KPNA7: variants seen among roughly 807,000 people sequenced by gnomAD.
The protein encoded by KPNA7 is importin subunit alpha-8.
In KPNA7, 54 loss-of-function variants were observed where a neutral mutation model predicts 53.7. The observed-to-expected ratio is 1.01, with a 90% CI of 0.81 to 1.26. The LOEUF (loss-of-function observed/expected upper bound fraction) is 1.26. KPNA7 is among the 50% of genes most tolerant of loss of function. The pLI is 0.00. For synonymous variants in KPNA7, 276 were observed against 259.3 expected, an observed-to-expected ratio of 1.06 and a Z score of -0.62; for missense variants, 640 against 644.5, an observed-to-expected ratio of 0.99 and a Z score of 0.07.
the KPNA7 span, among the ~76,000 whole-genome samples, chr7:99,148,935 G>A: frequency 1.5e-5 from 2 of 129,944 alleles, no homozygotes; most frequent in East Asian, 2.4e-4. Context: ...TTGCAGTGTC[G>A]CCCAGGCTGG....
At chr7:99,160,717 A>G in the KPNA7 span, among the ~76,000 whole-genome samples, 1 of 152,104 alleles carries the variant, frequency 6.6e-6, no homozygotes, top group Non-Finnish European at 1.5e-5. Context: ...GTCTTTTCAA[A>G]TGAGAACAAA....
the KPNA7 span, among the ~76,000 whole-genome samples, chr7:99,163,956 T>C: frequency 1.3e-5 from 2 of 152,010 alleles, no homozygotes; most frequent in African/African-American, 4.8e-5. Context: ...TCACACCAGT[T>C]AGAATGGTGA....
At chr7:99,193,236 CACGT>C (rs1446292620) in intron 5 of KPNA7, 135 bp from the exon 6 acceptor site, 1 of 523,960 alleles carries the variant, frequency 1.9e-6, no homozygotes, top group Non-Finnish European at 3.3e-6. Flanking sequence ...GTAGTAGAGC[CACGT>C]ACTAAATTCT....
chr7:99,207,743 C>T (rs1042332227), intron 1 of KPNA7, among the ~76,000 whole-genome samples: 4 of 145,154 alleles, frequency 2.8e-5, no homozygotes, highest in Non-Finnish European at 6.0e-5. Context: ...TCAAGTGGTT[C>T]TCCTGCCTCA....
chr7:99,171,152 G>A (rs1030875583), downstream of KPNA7, among the ~76,000 whole-genome samples: 1 of 152,168 alleles, frequency 6.6e-6, no homozygotes, highest in East Asian at 1.9e-4. Context: ...CCCGGGAGGT[G>A]GAGGTTGCAG....
At chr7:99,157,583 T>C in the KPNA7 span, among the ~76,000 whole-genome samples, 2 of 152,228 alleles carry the variant, frequency 1.3e-5, no homozygotes, top group Admixed American at 1.3e-4. Context: ...ACAACTCATT[T>C]AGATTTCTTC....
chr7:99,190,689 T>C (rs1789903178), intron 6 of KPNA7, among the ~76,000 whole-genome samples: 1 of 148,140 alleles, frequency 6.8e-6, no homozygotes, highest in African/African-American at 2.5e-5. Context: ...AGGGTCTCAC[T>C]CCATCACCCA....
chr7:99,175,777 G>A (rs946961131), intron 10 of KPNA7, among the ~76,000 whole-genome samples: 7 of 151,960 alleles, frequency 4.6e-5, no homozygotes, highest in African/African-American at 1.5e-4. Flanking sequence ...CTCCCAAAGT[G>A]CTGAGATTAC....
intron 10 of KPNA7, among the ~76,000 whole-genome samples, chr7:99,177,703 T>C (rs1456845685): frequency 6.6e-6 from 1 of 151,298 alleles, no homozygotes; most frequent in Non-Finnish European, 1.5e-5. Flanking sequence ...CCCAAGGAAT[T>C]AGAATAGCTT....
chr7:99,187,820 A>T (rs150191458), intron 7 of KPNA7, among the ~76,000 whole-genome samples: 14,237 of 90,474 alleles, frequency 0.16, 1,293 homozygotes, highest in African/African-American at 0.29. Context: ...AAAAAAAAAA[A>T]AAAAAAAAAA....
At chr7:99,164,632 T>TA in the KPNA7 span, among the ~76,000 whole-genome samples, 5 of 151,460 alleles carry the variant, frequency 3.3e-5, no homozygotes, top group African/African-American at 4.9e-5. Flanking sequence ...TTAAAGAATT[T>TA]AAAAAAAAAA....
chr7:99,145,829 CAG>C, the KPNA7 span, among the ~76,000 whole-genome samples: 6 of 152,158 alleles, frequency 3.9e-5, no homozygotes, highest in African/African-American at 1.4e-4. Flanking sequence ...CTAGTGAAAG[CAG>C]AGTCTCTCCT....
In KPNA7 at chr7:99,177,904, C is replaced by T; in HGVS notation, c.1464+16G>A. The T allele has an allele frequency of 6.4e-7, 1 of 1,551,666 alleles. No individual in the cohort carries two copies. Among genetic ancestry groups the T allele is most frequent in the South Asian group, 1.2e-5 (1 of 83,924 alleles). ...CAAGACCCCTGGATACTCCTCCACG[C>T]TCCTAAGTCACTTACCTCACCAAAG... is the stretch of plus-strand genomic sequence containing the variant. On this transcript the variant is annotated intron_variant, in intron 10 of 10. Transcript: ENST00000327442.
chr7:99,188,540 C>A lies in KPNA7; in HGVS notation c.660G>T (p.Thr220=). Residue 220 remains threonine (T), a synonymous_variant, in exon 7 of 11, where the codon ACG becomes ACT. Transcript: ENST00000327442. ...TTCGGCACAGATTCGACAAGGTCCACGTGATGTTCCGCAGAAATGTGATCT... is the reference window on the plus strand; with the variant it reads ...TTCGGCACAGATTCGACAAGGTCCAAGTGATGTTCCGCAGAAATGTGATCT... ...TLPITFLRNI[T]WTLSNLCRNK... The A allele has an allele frequency of 6.4e-7, 1 of 1,551,514 alleles. No homozygotes were observed. The highest frequency in any genetic ancestry group is 8.7e-7 in the Non-Finnish European group (1 of 1,146,856).
At chr7:99,147,802 A>C in the KPNA7 span, among the ~76,000 whole-genome samples, 3 of 148,342 alleles carry the variant, frequency 2.0e-5, no homozygotes, top group Non-Finnish European at 4.5e-5. Context: ...AAAAAAAAAA[A>C]TTTTTTTTTT....
chr7:99,212,370 C>T (rs12705050), upstream of KPNA7, among the ~76,000 whole-genome samples: 3 of 150,560 alleles, frequency 2.0e-5, no homozygotes, highest in Non-Finnish European at 3.0e-5. Flanking sequence ...CAGCCTCCCA[C>T]GTAGCTGGGA....
intron 9 of KPNA7, among the ~76,000 whole-genome samples, chr7:99,178,711 C>T (rs997486302): frequency 6.9e-6 from 1 of 144,084 alleles, no homozygotes; most frequent in Non-Finnish European, 1.5e-5. Context: ...CTGCCTTGGC[C>T]TCCCAAAGTG....
At chr7:99,204,493 T>A (rs1790696914) in intron 2 of KPNA7, among the ~76,000 whole-genome samples, 1 of 152,190 alleles carries the variant, frequency 6.6e-6, no homozygotes, top group Admixed American at 6.6e-5. Flanking sequence ...ATAGCTGAGT[T>A]TGGGCTGAAG....
intron 3 of KPNA7, among the ~76,000 whole-genome samples, chr7:99,200,192 C>CAG (rs1046929577): frequency 6.6e-6 from 1 of 152,216 alleles, no homozygotes; most frequent in Non-Finnish European, 1.5e-5. Flanking sequence ...CATGAGCCAT[C>CAG]AGGCCTGGCT....
Sources: allele counts gnomAD v4.1 joint callset (sites outside exome capture counted in the v4.1 genomes callset), GRCh38; gene constraint gnomAD v4.1.1; transcripts MANE v1.5; gene names NCBI Gene and HGNC (gene_info 2026-07-23, HGNC 2026-07-21).